Variants in SLC35F3 observed in about 807,000 individuals in gnomAD.
SLC35F3 encodes putative thiamine transporter SLC35F3.
In SLC35F3, 25 loss-of-function variants were observed where a neutral mutation model predicts 49.9. That is an observed-to-expected ratio of 0.50 (90% CI 0.37 to 0.70). The LOEUF is 0.70. SLC35F3 is among the 30% of genes least tolerant of loss of function. The pLI, the probability that SLC35F3 is intolerant of heterozygous loss-of-function variation, is 0.00. For missense variants in SLC35F3, 525 were observed against 639.8 expected, an observed-to-expected ratio of 0.82 and a Z score of 1.94; for synonymous variants, 275 against 265.4, an observed-to-expected ratio of 1.04 and a Z score of -0.35.
At chr1:233,911,282 A>G (rs1661869524) in intron 2 of SLC35F3, among the ~76,000 whole-genome samples, 1 of 152,316 alleles carries the variant, frequency 6.6e-6, no homozygotes, top group East Asian at 1.9e-4. Context: ...CTCCTAAAAT[A>G]GTAAAGGTCA....
intron 3 of SLC35F3, among the ~76,000 whole-genome samples, chr1:234,265,828 T>C (rs550638625): frequency 6.6e-6 from 1 of 152,216 alleles, no homozygotes; most frequent in African/African-American, 2.4e-5. Context: ...ATCCTTCTCC[T>C]CCCTTCTCAG....
chr1:234,227,813 T>C (rs1268195221), intron 2 of SLC35F3, among the ~76,000 whole-genome samples: 2 of 152,194 alleles, frequency 1.3e-5, no homozygotes, highest in East Asian at 3.8e-4. Context: ...CTTAGAAGAT[T>C]TGAAAGGCTT....
rs552202069 is a variant in SLC35F3, at chr1:234,129,206, A to T, written c.284-102211A>T. On this transcript the variant is annotated intron_variant, in intron 2 of 7. Transcript: ENST00000366618. The stretch of plus-strand genomic sequence containing the variant: ...ATAAATAGGCACTTTACAATAGAGG[A>T]TATGCAGATGGCCAATACACATGAG... Among the ~76,000 whole-genome samples, 23 of 152,348 alleles carry T rather than the reference A, an allele frequency of 1.5e-4. No individual in the cohort carries two copies. In the South Asian group the frequency reaches 4.6e-3, roughly 30 times the overall value.
intron 2 of SLC35F3, among the ~76,000 whole-genome samples, chr1:234,025,081 C>T (rs1202216350): frequency 2.6e-5 from 4 of 152,204 alleles, no homozygotes; most frequent in African/African-American, 9.7e-5. Flanking sequence ...TTTGATTTTC[C>T]ACTCCTGGAT....
intron 2 of SLC35F3, among the ~76,000 whole-genome samples, chr1:233,915,215 CCTT>C (rs1661948362): frequency 1.3e-5 from 2 of 152,178 alleles, no homozygotes; most frequent in African/African-American, 4.8e-5. Flanking sequence ...CTATTTTTAT[CCTT>C]CTTCACCATC....
intron 3 of SLC35F3, among the ~76,000 whole-genome samples, chr1:234,296,631 C>A (rs1668597004): frequency 6.6e-6 from 1 of 152,252 alleles, no homozygotes; most frequent in African/African-American, 2.4e-5. Context: ...CACTGTGAAT[C>A]TAGCAAGTTG....
rs34404610 is a variant in SLC35F3, at chr1:234,096,885, CTT to C, written c.284-134515_284-134514del. Among the ~76,000 whole-genome samples, 164 of 132,054 alleles carry C rather than the reference CTT, an allele frequency of 1.2e-3. 1 individual carries two copies. The highest frequency in any genetic ancestry group is 4.1e-3 in the Middle Eastern group (1 of 246). 86.6% of individuals were successfully genotyped at this position (132,054 alleles called of 152,430 possible). On this transcript the variant is annotated intron_variant, in intron 2 of 7. Coordinates refer to ENST00000366618, the MANE Select transcript of SLC35F3 (RefSeq NM_173508.4). ...AACGGTAAATCTACTTTGTTAAATT[CTT>C]TTTTTTTTTTTTTTTTCTTGAGACG...
At chr1:234,052,695 G>C (rs973423779) in intron 2 of SLC35F3, among the ~76,000 whole-genome samples, 1 of 151,962 alleles carries the variant, frequency 6.6e-6, no homozygotes, top group Non-Finnish European at 1.5e-5. Flanking sequence ...TAATGTGTTT[G>C]CTCTTGCTTC....
At chr1:234,124,856 A>T (rs1665624759) in intron 2 of SLC35F3, among the ~76,000 whole-genome samples, 2 of 152,180 alleles carry the variant, frequency 1.3e-5, no homozygotes. Flanking sequence ...TAAAAACAAG[A>T]GAGAAATTGT....
chr1:234,227,583 A>T (rs1386467200), intron 2 of SLC35F3, among the ~76,000 whole-genome samples: 1 of 151,858 alleles, frequency 6.6e-6, no homozygotes, highest in African/African-American at 2.4e-5. Flanking sequence ...TATTTTTAGG[A>T]GAGACGGGGT....
At chr1:234,074,316 A>T (rs1192371947) in intron 2 of SLC35F3, among the ~76,000 whole-genome samples, 2 of 152,190 alleles carry the variant, frequency 1.3e-5, no homozygotes, top group African/African-American at 4.8e-5. Context: ...TGACTTCATC[A>T]TCAGTTAACA....
Position 233,995,017 on chromosome 1 carries a change from A to G in SLC35F3, c.283+89259A>G, listed in dbSNP as rs1048002944. 5.3e-5 allele frequency among the ~76,000 whole-genome samples: 8 copies of G among 152,334 alleles called. No homozygotes were observed. The South Asian group carries it at 1.0e-3, about 20-fold the overall frequency. ...CATAAACCTCAGATATTACATTTGT[A>G]AAAATAGAGTGATCTACCTCATAGA... On this transcript the variant is annotated intron_variant, in intron 2 of 7. Transcript: ENST00000366618.
At chr1:234,013,680 G>A (rs1439427344) in intron 2 of SLC35F3, among the ~76,000 whole-genome samples, 3 of 151,842 alleles carry the variant, frequency 2.0e-5, no homozygotes, top group African/African-American at 7.3e-5. Flanking sequence ...GAAACACAAA[G>A]GATTCTAAGA....
chr1:233,912,490 C>G (rs556314610), intron 2 of SLC35F3, among the ~76,000 whole-genome samples: 4 of 151,682 alleles, frequency 2.6e-5, no homozygotes, highest in Admixed American at 1.3e-4. Context: ...AACAAACAAA[C>G]AAAGAAACAA....
intron 2 of SLC35F3, among the ~76,000 whole-genome samples, chr1:234,040,327 C>T (rs931637957): frequency 1.3e-5 from 2 of 152,104 alleles, no homozygotes; most frequent in Non-Finnish European, 2.9e-5. Flanking sequence ...AATGGGGGAG[C>T]AGGATGGGCA....
At chr1:234,313,605 G>A (rs1466414135) in intron 4 of SLC35F3, among the ~76,000 whole-genome samples, 1 of 152,140 alleles carries the variant, frequency 6.6e-6, no homozygotes, top group South Asian at 2.1e-4. Context: ...GAGCATTGAG[G>A]GCTGGGGGGG....
At chr1:234,268,436 G>C (rs189312527) in intron 3 of SLC35F3, 2 of 152,452 alleles carry the variant, frequency 1.3e-5, no homozygotes, top group Non-Finnish European at 2.9e-5. Context: ...ATCAGAGGGA[G>C]ACCGTGGAAA....
At chr1:234,248,081 T>A (rs1469851133) in intron 3 of SLC35F3, among the ~76,000 whole-genome samples, 1 of 152,244 alleles carries the variant, frequency 6.6e-6, no homozygotes, top group East Asian at 1.9e-4. Flanking sequence ...GTTGGTTGGC[T>A]GGTCCATTGT....
At chr1:234,237,388 TTTAA>T (rs955199118) in intron 3 of SLC35F3, among the ~76,000 whole-genome samples, 16 of 152,284 alleles carry the variant, frequency 1.1e-4, no homozygotes, top group Admixed American at 6.5e-4. Context: ...TAAAAAGCAC[TTTAA>T]TTGTCATTTT....
Sources: gnomAD v4.1 joint callset for allele counts (sites outside exome capture counted in the v4.1 genomes callset) on GRCh38, gnomAD v4.1.1 for gene constraint, MANE v1.5 for transcripts, NCBI Gene and HGNC (gene_info 2026-07-23, HGNC 2026-07-21) for gene names.